Variants in GALNTL5 observed in about 807,000 individuals in gnomAD.
GALNTL5 encodes the protein polypeptide N-acetylgalactosaminyltransferase like 5.
GALNTL5 carries 44 observed loss-of-function variants against 51.0 expected under a neutral mutation model. The observed-to-expected ratio is 0.86, with a 90% confidence interval of 0.68 to 1.11. The LOEUF (loss-of-function observed/expected upper bound fraction) is 1.11, where lower values mean the gene tolerates loss of function less well. GALNTL5 is among the 50% of genes least tolerant of loss of function. The pLI is 0.00. For missense variants in GALNTL5, 528 were observed against 531.8 expected (o/e 0.99, Z 0.07); for synonymous variants, 192 against 182.8 (o/e 1.05, Z -0.41).
At chr7:151,988,092 G>A (rs1226158021) in intron 5 of GALNTL5, among the ~76,000 whole-genome samples, 9 of 152,204 alleles carry the variant, frequency 5.9e-5, no homozygotes, top group African/African-American at 1.4e-4. Flanking sequence ...CACTCCCAGG[G>A]CTGCCCCAAG....
At position 152,002,941 on chromosome 7, in the gene GALNTL5, G is replaced by C. The variant is rs765387825; in HGVS notation, c.886G>C (p.Glu296Gln). ...TTTCTCTTATGAGATGGATGGACCA[G>C]AAGGATCTACTAAACCAATCCGGTG... ...NVFSYEMDGP[E>Q]GSTKPIRSPA... The change falls in exon 6 of 9, where the codon GAA becomes CAA. Residue 296 changes from glutamate to glutamine, a missense_variant. Glu to Gln is a conservative substitution (Grantham distance 29, BLOSUM62 2). Coordinates refer to ENST00000392800, the MANE Select transcript of GALNTL5 (RefSeq NM_145292.4). 5.0e-6 allele frequency: 8 copies of C among 1,613,964 alleles called. No homozygotes were observed. The African/African-American group carries it at 1.1e-4, about 22-fold the overall frequency.
At chr7:151,965,315 C>T (rs2081045879) in intron 1 of GALNTL5, among the ~76,000 whole-genome samples, 2 of 152,210 alleles carry the variant, frequency 1.3e-5, no homozygotes, top group Non-Finnish European at 2.9e-5. Context: ...TTGATGTTCC[C>T]TCTACCGCTC....
intron 8 of GALNTL5, among the ~76,000 whole-genome samples, chr7:152,017,845 T>C (rs905837118): frequency 2.7e-5 from 4 of 150,572 alleles, no homozygotes; most frequent in African/African-American, 9.7e-5. Flanking sequence ...TGAGAATTCT[T>C]TTTTTTTTTC....
intron 6 of GALNTL5, among the ~76,000 whole-genome samples, chr7:152,006,203 G>A (rs781631494): frequency 3.9e-5 from 6 of 152,230 alleles, no homozygotes; most frequent in Non-Finnish European, 7.3e-5. Flanking sequence ...CTGGATCAGC[G>A]AGAGAAGGAC....
intron 8 of GALNTL5, among the ~76,000 whole-genome samples, chr7:152,018,726 AG>A (rs772270792): frequency 1.3e-5 from 2 of 152,102 alleles, no homozygotes; most frequent in Non-Finnish European, 2.9e-5. Context: ...CCCCACCTGC[AG>A]GCTCACCCCC....
intron 3 of GALNTL5, among the ~76,000 whole-genome samples, chr7:151,975,120 C>G (rs982613629): frequency 6.6e-6 from 1 of 151,840 alleles, no homozygotes; most frequent in Non-Finnish European, 1.5e-5. Context: ...GTGTTTCTTC[C>G]TCCTTAATTT....
intron 7 of GALNTL5, among the ~76,000 whole-genome samples, chr7:152,008,719 T>A (rs1394870265): frequency 1.4e-5 from 2 of 142,990 alleles, no homozygotes; most frequent in Non-Finnish European, 3.1e-5. Flanking sequence ...CTTAAGCTTG[T>A]TGTTTTTGTT....
chr7:151,985,990 A>G (rs2081355890), intron 4 of GALNTL5: 1 of 152,208 alleles, frequency 6.6e-6, no homozygotes, highest in Non-Finnish European at 1.5e-5. Context: ...GGACTTAGGA[A>G]TTTAGACCTC....
chr7:151,989,777 A>G (rs778851374), intron 5 of GALNTL5, among the ~76,000 whole-genome samples: 22 of 152,210 alleles, frequency 1.4e-4, no homozygotes, highest in Non-Finnish European at 2.9e-4. Context: ...CAGTTGGCCA[A>G]AAAATAGGCT....
intron 5 of GALNTL5, among the ~76,000 whole-genome samples, chr7:151,998,270 A>G (rs2081525614): frequency 6.6e-6 from 1 of 152,194 alleles, no homozygotes; most frequent in Non-Finnish European, 1.5e-5. Flanking sequence ...AACATAGATT[A>G]ATACTTGCCT....
intron 6 of GALNTL5, among the ~76,000 whole-genome samples, chr7:152,007,346 GT>G (rs2081657668): frequency 6.7e-6 from 1 of 149,152 alleles, no homozygotes; most frequent in Non-Finnish European, 1.5e-5. Context: ...GCCTACTTTT[GT>G]TGTGGTTTTT....
In GALNTL5 at chr7:151,967,392, G is replaced by C. The variant is rs1563002311; in HGVS notation, c.146G>C (p.Gly49Ala). 4 of 1,613,816 alleles carry C rather than the reference G, an allele frequency of 2.5e-6. No homozygotes were observed. ...SQEPLSAWSPGKKVHQQIIYG... is the reference protein window; with the variant it reads ...SQEPLSAWSPAKKVHQQIIYG... The stretch of plus-strand genomic sequence containing the variant: ...GAGCCTCTGTCAGCTTGGTCCCCTG[G>C]AAAAAAAGTGCATCAGCAAATTATC... The change falls in exon 2 of 9, where the codon GGA (glycine) becomes GCA (alanine). Residue 49 changes from glycine to alanine, a missense_variant. By Grantham distance (60) the Gly-to-Ala change is moderately conservative. Coordinates refer to ENST00000392800, the MANE Select transcript of GALNTL5 (RefSeq NM_145292.4).
chr7:152,004,544 T>A (rs2081620301), intron 6 of GALNTL5, among the ~76,000 whole-genome samples: 1 of 152,188 alleles, frequency 6.6e-6, no homozygotes, highest in African/African-American at 2.4e-5. Flanking sequence ...ACTTTCCAAG[T>A]ATCCACCACT....
chr7:151,966,521 G>A (rs540131240), intron 1 of GALNTL5, among the ~76,000 whole-genome samples: 130 of 151,930 alleles, frequency 8.6e-4, no homozygotes, highest in Non-Finnish European at 1.3e-3. Flanking sequence ...CACCTGCCTC[G>A]GCCTCCCAAA....
At chr7:152,016,312 G>A (rs1026159230) in intron 8 of GALNTL5, among the ~76,000 whole-genome samples, 1 of 151,924 alleles carries the variant, frequency 6.6e-6, no homozygotes, top group Non-Finnish European at 1.5e-5. Context: ...GCTGAGGGAG[G>A]AGAATCGCTT....
chr7:152,010,342 A>G (rs1414382026), intron 7 of GALNTL5, among the ~76,000 whole-genome samples: 2 of 152,062 alleles, frequency 1.3e-5, no homozygotes, highest in African/African-American at 2.4e-5. Flanking sequence ...TGATCTTCTG[A>G]CCTTGTGATC....
intron 3 of GALNTL5, chr7:151,982,759 T>C: frequency 2.4e-6 from 2 of 816,644 alleles, no homozygotes; most frequent in Non-Finnish European, 3.8e-6. Context: ...AAAGAGCAAT[T>C]ATTACTGACA....
chr7:151,959,284 A>G (rs2080963563), intron 1 of GALNTL5, among the ~76,000 whole-genome samples: 1 of 151,792 alleles, frequency 6.6e-6, no homozygotes, highest in Non-Finnish European at 1.5e-5. Context: ...GAAAGTTGAC[A>G]TGGAAGTTAA....
chr7:151,965,736 A>T (rs1051966583), intron 1 of GALNTL5, among the ~76,000 whole-genome samples: 1 of 152,174 alleles, frequency 6.6e-6, no homozygotes, highest in African/African-American at 2.4e-5. Flanking sequence ...TAATAATAAT[A>T]ATTAGCCACG....
Sources: gnomAD v4.1 joint callset for allele counts (sites outside exome capture counted in the v4.1 genomes callset) on GRCh38, gnomAD v4.1.1 for gene constraint, MANE v1.5 for transcripts, NCBI Gene and HGNC (gene_info 2026-07-23, HGNC 2026-07-21) for gene names.